The following CCAR1 variants were observed in gnomAD, a reference collection of about 807,000 sequenced individuals.
The protein encoded by CCAR1 is cell division cycle and apoptosis regulator protein 1.
In CCAR1, 78 loss-of-function variants were observed where a neutral mutation model predicts 163.8. That is an observed-to-expected ratio of 0.48 (90% confidence interval 0.40 to 0.57). The LOEUF is 0.57. Ranked by LOEUF, CCAR1 falls within the 20% of genes least tolerant of loss-of-function variation. The pLI, the probability that CCAR1 is intolerant of heterozygous loss-of-function variation, is 0.00. For synonymous variants in CCAR1, 443 were observed against 460.7 expected (o/e 0.96, Z 0.49); for missense variants, 1,019 against 1,365.2 (o/e 0.75, Z 4.00).
intron 15 of CCAR1, among the ~76,000 whole-genome samples, chr10:68,758,108 G>A (rs1178048829): frequency 2.6e-5 from 4 of 152,104 alleles, no homozygotes; most frequent in Non-Finnish European, 5.9e-5. Context: ...AGACTGGAGT[G>A]CAGTGGAATG....
chr10:68,735,687 T>A (rs928848698), intron 2 of CCAR1: 41 of 152,174 alleles, frequency 2.7e-4, no homozygotes, highest in Admixed American at 2.3e-3. Flanking sequence ...ATTACAGACA[T>A]GAGCTGCCTC....
chr10:68,771,460 C>T lies in CCAR1; in HGVS notation c.2538+15C>T, dbSNP rs10823258. ...ATGAAAGGAAGGTCTGTAATAACAA[C>T]CTGCTTTAGAAGCTTTCAGTTACTC... On this transcript the variant is annotated intron_variant, in intron 18 of 24. Transcript: ENST00000265872. 1,102,982 of 1,547,438 alleles carry T rather than the reference C, an allele frequency of 0.71. 396,599 individuals carry two copies. Among genetic ancestry groups the T allele is most frequent in the Non-Finnish European group, 0.73 (838,163 of 1,143,462 alleles).
chr10:68,727,789 TTAAG>T (rs1422385274), intron 2 of CCAR1, among the ~76,000 whole-genome samples: 7 of 152,290 alleles, frequency 4.6e-5, no homozygotes, highest in Non-Finnish European at 5.9e-5. Context: ...AATCAAATCT[TTAAG>T]TAGCCCTTAT....
intron 19 of CCAR1, among the ~76,000 whole-genome samples, chr10:68,779,557 CCTAT>C (rs2056710835): frequency 6.6e-6 from 1 of 152,154 alleles, no homozygotes; most frequent in South Asian, 2.1e-4. Flanking sequence ...CCACGTCCGG[CCTAT>C]CTTTTTCTTA....
At position 68,754,765 on chromosome 10, in the gene CCAR1, G is replaced by T; in HGVS notation, c.1396G>T (p.Ala466Ser). 1 of 1,612,626 alleles carries T rather than the reference G, an allele frequency of 6.2e-7. No individual in the cohort carries two copies. Among genetic ancestry groups the T allele is most frequent in the Non-Finnish European group, 8.5e-7 (1 of 1,178,750 alleles). ...GGAAGATTTATATCATAAGTCATGT[G>T]CTCTTGCTGAGGACCCACAAGAACT... Reference protein sequence around the residue: ...SMEDLYHKSCALAEDPQELRD... With the variant: ...SMEDLYHKSCSLAEDPQELRD... Residue 466 changes from alanine to serine, a missense_variant, in exon 12 of 25, where the codon GCT (alanine) becomes TCT (serine). Ala to Ser is a moderately conservative substitution (Grantham distance 99). Around this residue, in one of 4 missense-constraint regions of CCAR1, gnomAD observed 644 missense variants for 904.4 expected, o/e 0.71. Transcript: ENST00000265872.
At chr10:68,738,487 T>TG (rs2056141943) in intron 4 of CCAR1, among the ~76,000 whole-genome samples, 2 of 152,202 alleles carry the variant, frequency 1.3e-5, no homozygotes, top group African/African-American at 2.4e-5. Context: ...TTTGGACTGT[T>TG]ATGCTCCTGT....
intron 2 of CCAR1, among the ~76,000 whole-genome samples, chr10:68,725,509 G>C (rs772358645): frequency 2.0e-5 from 3 of 147,584 alleles, no homozygotes; most frequent in Non-Finnish European, 3.0e-5. Context: ...TTTTTTTTTT[G>C]GTCATTTTTT....
At chr10:68,729,525 T>C (rs2056003507) in intron 2 of CCAR1, among the ~76,000 whole-genome samples, 2 of 151,908 alleles carry the variant, frequency 1.3e-5, no homozygotes, top group African/African-American at 4.8e-5. Context: ...CGCCTCGGCC[T>C]CCCAAAGTGC....
intron 4 of CCAR1, among the ~76,000 whole-genome samples, chr10:68,739,683 T>C (rs1487525747): frequency 1.3e-5 from 2 of 152,190 alleles, no homozygotes; most frequent in African/African-American, 4.8e-5. Context: ...ATTTTAGTGC[T>C]CTTATGAAAT....
chr10:68,753,284 C>A (rs1418463140), intron 10 of CCAR1, among the ~76,000 whole-genome samples: 1 of 152,160 alleles, frequency 6.6e-6, no homozygotes, highest in East Asian at 1.9e-4. Context: ...AGGTATGGAT[C>A]TTAATCATTC....
intron 2 of CCAR1, among the ~76,000 whole-genome samples, chr10:68,724,411 G>A (rs1467181681): frequency 1.3e-5 from 2 of 152,114 alleles, no homozygotes; most frequent in Non-Finnish European, 2.9e-5. Context: ...GGTTGAGTGA[G>A]CTGATATCGC....
chr10:68,748,995 A>AAG, intron 8 of CCAR1, 141 bp from the exon 9 acceptor site: 1 of 940,950 alleles, frequency 1.1e-6, no homozygotes, highest in Non-Finnish European at 1.5e-6. Flanking sequence ...ATTCTTTAAA[A>AAG]ATATATATAA....
rs2133287757 is a variant in CCAR1, at chr10:68,722,441, C to G, written c.-50-14C>G. ...CTTGGTTGGACTTTAAAATGTGGAT[C>G]CTTTTCTTGATAGATCGATGCTATA... is the stretch of plus-strand genomic sequence containing the variant. On this transcript the variant is annotated splice_polypyrimidine_tract_variant and intron_variant, in intron 1 of 24. Transcript: ENST00000265872. 12 of 1,278,826 alleles carry G rather than the reference C, an allele frequency of 9.4e-6. No homozygotes were observed. The highest frequency in any genetic ancestry group is 2.3e-5 in the East Asian group (1 of 43,254). The allele number at this position is 1,278,826 out of a possible 1,614,324, so 79.2% of individuals were successfully genotyped here.
At chr10:68,723,884 C>T (rs1335261716) in intron 2 of CCAR1, among the ~76,000 whole-genome samples, 9 of 150,822 alleles carry the variant, frequency 6.0e-5, no homozygotes, top group African/African-American at 1.7e-4. Context: ...TTAGGCTGGG[C>T]GCGGTGGCTT....
At chr10:68,730,625 C>T (rs1425210489) in intron 2 of CCAR1, among the ~76,000 whole-genome samples, 3 of 152,092 alleles carry the variant, frequency 2.0e-5, no homozygotes, top group Admixed American at 6.6e-5. Flanking sequence ...CGTGAGCCAC[C>T]GCACCCAGCC....
At position 68,766,087 on chromosome 10, in the gene CCAR1, T is replaced by G; in HGVS notation, c.2298+8T>G. The G allele has an allele frequency of 6.4e-7, 1 of 1,571,110 alleles. No homozygotes were observed. The highest frequency in any genetic ancestry group is 1.7e-4 in the Middle Eastern group (1 of 5,990). ...AAAGAACATTCATTTGAGGTAATGT[T>G]TTAAGTTTGAAATAAGATCCATATA... On this transcript the variant is annotated splice_region_variant and intron_variant, in intron 17 of 24. Coordinates refer to ENST00000265872, the MANE Select transcript of CCAR1 (RefSeq NM_018237.4).
chr10:68,774,987 A>G (rs1782323), intron 19 of CCAR1: 2 of 377,870 alleles, frequency 5.3e-6, no homozygotes, highest in Non-Finnish European at 1.0e-5. Context: ...TTTACGGTAT[A>G]TTTTGTTTGC....
chr10:68,723,709 A>G (rs1048406950), intron 2 of CCAR1, among the ~76,000 whole-genome samples: 13 of 151,672 alleles, frequency 8.6e-5, no homozygotes, highest in East Asian at 3.9e-4. Context: ...TTAGTCGGGC[A>G]TGGTGGCAGG....
intron 15 of CCAR1, 39 bp from the exon 16 acceptor site, chr10:68,760,968 C>A: frequency 9.1e-7 from 1 of 1,102,012 alleles, no homozygotes; most frequent in Non-Finnish European, 1.2e-6. Context: ...CCCCCCGCCA[C>A]CTTTTTTTTT....
Sources: allele counts gnomAD v4.1 joint callset (sites outside exome capture counted in the v4.1 genomes callset), GRCh38; gene constraint gnomAD v4.1.1; regional missense constraint gnomAD v4.1.1; transcripts MANE v1.5; gene names NCBI Gene and HGNC (gene_info 2026-07-23, HGNC 2026-07-21).